The following CACNA1C variants were observed in gnomAD, a reference collection of about 807,000 sequenced individuals.
CACNA1C encodes calcium voltage-gated channel subunit alpha1 C, also known as voltage-dependent L-type calcium channel subunit alpha-1C.
A neutral mutation model predicts 229.0 loss-of-function variants in CACNA1C; 30 were observed. That is an observed-to-expected ratio of 0.13 (90% CI 0.10 to 0.18). The LOEUF (loss-of-function observed/expected upper bound fraction) is 0.18. CACNA1C is among the 10% of genes least tolerant of loss of function. The pLI is 1.00. For synonymous variants in CACNA1C, 1,114 were observed against 1,132.5 expected, an observed-to-expected ratio of 0.98 and a Z score of 0.33; for missense variants, 1,658 against 2,845.0, an observed-to-expected ratio of 0.58 and a Z score of 9.49.
chr12:2,306,364 G>T (rs2095024781), intron 3 of CACNA1C, among the ~76,000 whole-genome samples: 1 of 152,182 alleles, frequency 6.6e-6, no homozygotes, highest in Non-Finnish European at 1.5e-5. Flanking sequence ...GGCAGCTGGG[G>T]GCCCTCTTGG....
chr12:2,584,313 GTAGC>G (rs1011084898), intron 15 of CACNA1C, among the ~76,000 whole-genome samples, 186 bp from the exon 16 acceptor site: 2 of 152,132 alleles, frequency 1.3e-5, no homozygotes, highest in African/African-American at 4.8e-5. Flanking sequence ...ATAGCTCCAG[GTAGC>G]TAGGAGGGTG....
intron 1 of CACNA1C, among the ~76,000 whole-genome samples, chr12:2,024,342 A>G (rs948669144): frequency 1.4e-4 from 21 of 152,232 alleles, no homozygotes; most frequent in African/African-American, 5.1e-4. Context: ...TGGGGAACAC[A>G]GAGCTAGCTG....
chr12:2,227,685 G>T (rs2063433308), intron 3 of CACNA1C, among the ~76,000 whole-genome samples: 2 of 152,196 alleles, frequency 1.3e-5, no homozygotes, highest in South Asian at 4.1e-4. Context: ...CACCCCAGGT[G>T]TCAATTAGTT....
chr12:2,362,503 C>T (rs1356211475), intron 3 of CACNA1C, among the ~76,000 whole-genome samples: 1 of 152,204 alleles, frequency 6.6e-6, no homozygotes, highest in African/African-American at 2.4e-5. Flanking sequence ...TAATCCTCAA[C>T]ATTGCACTGA....
intron 8 of CACNA1C, among the ~76,000 whole-genome samples, chr12:2,510,021 C>T (rs904127260): frequency 6.6e-6 from 1 of 152,232 alleles, no homozygotes; most frequent in African/African-American, 2.4e-5. Flanking sequence ...TTGGATTCCA[C>T]ACACACCGCC....
chr12:2,572,445 T>TTC (rs1568498117), intron 13 of CACNA1C, among the ~76,000 whole-genome samples: 1 of 68,542 alleles, frequency 1.5e-5, no homozygotes, highest in African/African-American at 6.0e-5. Context: ...TCCTGCTCCT[T>TTC]CTCCTCTTCC....
intron 3 of CACNA1C, among the ~76,000 whole-genome samples, chr12:2,378,293 A>T (rs2058283744): frequency 6.6e-6 from 1 of 152,192 alleles, no homozygotes; most frequent in African/African-American, 2.4e-5. Context: ...AGTTCCAGGC[A>T]TCCTAAGGGA....
upstream of CACNA1C, among the ~76,000 whole-genome samples, chr12:2,051,072 C>T (rs1221628523): frequency 6.6e-6 from 1 of 152,098 alleles, no homozygotes; most frequent in Non-Finnish European, 1.5e-5. Context: ...GTATGTTAGA[C>T]AGGATTTCAG....
rs116567829 is a variant in CACNA1C, at chr12:2,653,097, G to C, written c.4075-738G>C. On this transcript the variant is annotated intron_variant, in intron 32 of 46. Transcript: ENST00000399655. This position sits in a 1 kb window ranked among gnomAD's most constrained non-coding sequence, Gnocchi z 4.7. ...ACCATGGCCTGTCCCCAGAAGTCAC[G>C]GGGGCTCTGGAAAATTAGTTGTCTG... Among the ~76,000 whole-genome samples the C allele has an allele frequency of 0.019, 2,948 of 152,330 alleles. 97 individuals are homozygous for C. Among genetic ancestry groups the C allele is most frequent in the African/African-American group, 0.067 (2,800 of 41,582 alleles).
At chr12:2,105,191 G>A (rs1474522183) in intron 1 of CACNA1C, among the ~76,000 whole-genome samples, 1 of 152,182 alleles carries the variant, frequency 6.6e-6, no homozygotes, top group Non-Finnish European at 1.5e-5. Context: ...TAGCTTTTCC[G>A]CTTTTCCCAT....
Position 2,665,768 on chromosome 12 carries a change from C to T in CACNA1C, c.4526+60C>T, listed in dbSNP as rs1297554229. ...CTGAGAGAGGGTATAGCTGACCATA[C>T]CTGCAGGAGGGGCTCAAGGTTGGCC... On this transcript the variant is annotated intron_variant, in intron 36 of 46. Coordinates refer to ENST00000399655, the MANE Select transcript of CACNA1C (RefSeq NM_000719.7). This position sits in a 1 kb window ranked among gnomAD's most constrained non-coding sequence, Gnocchi z 5.9. The T allele has an allele frequency of 7.1e-6, 11 of 1,540,974 alleles. No individual in the cohort carries two copies. Among genetic ancestry groups the T allele is most frequent in the Non-Finnish European group, 9.7e-6 (11 of 1,136,692 alleles).
At chr12:2,624,283 G>A (rs1258342534) in intron 29 of CACNA1C, among the ~76,000 whole-genome samples, 1 of 152,208 alleles carries the variant, frequency 6.6e-6, no homozygotes, top group Non-Finnish European at 1.5e-5. Flanking sequence ...GACTGAGGAT[G>A]CTGAAAGTCC....
chr12:1,980,660 G>C (rs2035845618), intron 1 of CACNA1C, among the ~76,000 whole-genome samples: 1 of 150,500 alleles, frequency 6.6e-6, no homozygotes, highest in African/African-American at 2.4e-5. Flanking sequence ...TTTAAATCCA[G>C]TGTTTGGTAA....
chr12:2,164,963 G>T (rs1172392508), intron 3 of CACNA1C, among the ~76,000 whole-genome samples: 1 of 152,210 alleles, frequency 6.6e-6, no homozygotes, highest in East Asian at 1.9e-4. Context: ...TTTCTGACTT[G>T]TAAACTATTG....
At chr12:2,049,993 A>G (rs553155959), upstream of CACNA1C, among the ~76,000 whole-genome samples, 7 of 152,348 alleles carry the variant, frequency 4.6e-5, 1 homozygote, top group South Asian at 1.4e-3. Flanking sequence ...AAATGAAACT[A>G]AAGAAGCGTG....
intron 3 of CACNA1C, among the ~76,000 whole-genome samples, chr12:2,214,644 T>C (rs1383155456): frequency 1.2e-5 from 1 of 80,834 alleles, no homozygotes; most frequent in Non-Finnish European, 2.5e-5. Context: ...GATGGCCCTG[T>C]ATGCCCTCAG....
At chr12:2,352,961 A>C (rs2097250026) in intron 3 of CACNA1C, among the ~76,000 whole-genome samples, 1 of 152,234 alleles carries the variant, frequency 6.6e-6, no homozygotes, top group Non-Finnish European at 1.5e-5. Context: ...TGAAGCATAC[A>C]CACAAGGGAC....
chr12:2,053,464 G>A lies in CACNA1C; in HGVS notation c.-99G>A, dbSNP rs1565394169. The A allele has an allele frequency of 1.3e-6, 2 of 1,483,386 alleles. No individual in the cohort carries two copies. Among genetic ancestry groups the A allele is most frequent in the African/African-American group, 1.4e-5 (1 of 70,518 alleles). 91.9% of individuals were successfully genotyped at this position (1,483,386 alleles called of 1,614,324 possible). ...CTTCCTCGAATCTTGCGCGAAAGCCGCCGGCCTCGGAGGAGGGATTAATCC... is the reference window on the plus strand; with the variant it reads ...CTTCCTCGAATCTTGCGCGAAAGCCACCGGCCTCGGAGGAGGGATTAATCC... On this transcript the variant is annotated 5_prime_UTR_variant, in exon 1 of 47. Coordinates refer to ENST00000399655, the MANE Select transcript of CACNA1C (RefSeq NM_000719.7). The surrounding 1 kb of genome is among the most constrained non-coding windows in gnomAD (Gnocchi z 5.8).
rs536794457 is a variant in CACNA1C at position 2,472,492 on chromosome 12, CTATA to C, written c.758-13610_758-13607del. Among the ~76,000 whole-genome samples, 66 of 152,214 alleles carry C rather than the reference CTATA, an allele frequency of 4.3e-4. 2 individuals are homozygous for C. The South Asian group carries it at 8.1e-3, about 19-fold the overall frequency. On this transcript the variant is annotated intron_variant, in intron 5 of 46. Coordinates refer to ENST00000399655, the MANE Select transcript of CACNA1C (RefSeq NM_000719.7). ...AGTTCCCATTTATTTGTGGAATTCT[CTATA>C]TTTCTCCCTTTAAGATCATATACTC...
Sources: gnomAD v4.1 joint callset for allele counts (sites outside exome capture counted in the v4.1 genomes callset) on GRCh38, gnomAD v4.1.1 for gene constraint, Gnocchi (gnomAD v3.1) non-coding constraint, MANE v1.5 for transcripts, NCBI Gene and HGNC (gene_info 2026-07-23, HGNC 2026-07-21) for gene names.